The following AKNA variants were observed in gnomAD, a reference collection of about 807,000 sequenced individuals.
AKNA encodes the protein AT-hook transcription factor.
Under a neutral mutation model 138.8 loss-of-function variants are expected in AKNA, and 67 were observed. The ratio of observed to expected loss-of-function variants is 0.48; its 90% CI spans 0.40 to 0.59. The LOEUF is 0.59. Among genes scored for constraint, AKNA ranks in the 20% least tolerant of loss-of-function variants. The pLI is 0.00. For synonymous variants in AKNA, 737 were observed against 754.4 expected (o/e 0.98, Z 0.38); for missense variants, 1,813 against 1,880.4 (o/e 0.96, Z 0.66).
chr9:114,349,001 G>C, intron 15 of AKNA: 1 of 456,138 alleles, frequency 2.2e-6, no homozygotes, highest in East Asian at 6.9e-5. Context: ...GTGCCCCAGC[G>C]CTGAGTGTGT....
chr9:114,357,320 A>G (rs982265446), intron 12 of AKNA, among the ~76,000 whole-genome samples: 18 of 152,332 alleles, frequency 1.2e-4, no homozygotes, highest in African/African-American at 4.1e-4. Flanking sequence ...CTGGAATACT[A>G]TGGTCTTATC....
intron 1 of AKNA, among the ~76,000 whole-genome samples, chr9:114,386,672 A>G (rs1265748149): frequency 6.6e-6 from 1 of 152,028 alleles, no homozygotes; most frequent in Non-Finnish European, 1.5e-5. Flanking sequence ...CTTACACCCA[A>G]GCCGCCACTG....
downstream of AKNA, chr9:114,331,661 G>T (rs144825674): frequency 6.6e-5 from 106 of 1,613,688 alleles, no homozygotes; most frequent in African/African-American, 1.3e-3. Context: ...AGAACTGGGG[G>T]CTGTCTTTCT....
chr9:114,341,314 C>G (rs1830326851), intron 21 of AKNA, among the ~76,000 whole-genome samples: 1 of 152,146 alleles, frequency 6.6e-6, no homozygotes, highest in South Asian at 2.1e-4. Flanking sequence ...GTCCCAGGGC[C>G]GAGCACTCTC....
intron 6 of AKNA, among the ~76,000 whole-genome samples, chr9:114,364,993 G>A (rs1193252605): frequency 6.6e-6 from 1 of 152,196 alleles, no homozygotes; most frequent in African/African-American, 2.4e-5. Context: ...TGTATGTTCT[G>A]AGCTATTAAT....
intron 21 of AKNA, 24 bp from the exon 22 acceptor site, chr9:114,337,330 C>G (rs200451069): frequency 1.4e-6 from 2 of 1,417,590 alleles, no homozygotes; most frequent in Non-Finnish European, 1.9e-6. Context: ...TGAGTGGGCT[C>G]GTTACACATG....
rs1296562665 is a variant in AKNA at position 114,337,012 on chromosome 9, T to C, written c.*42A>G. On this transcript the variant is annotated 3_prime_UTR_variant, in exon 22 of 22. Transcript: ENST00000374088. ...CCCACTCCTGGCCTGGCAGGCCACCTGCCCACCCACCCACCCATCTGCCTC... is the reference window on the plus strand; with the variant it reads ...CCCACTCCTGGCCTGGCAGGCCACCCGCCCACCCACCCACCCATCTGCCTC... 2.5e-6 allele frequency: 3 copies of C among 1,209,474 alleles called. No individual in the cohort carries two copies. Among genetic ancestry groups the C allele is most frequent in the Non-Finnish European group, 3.2e-6 (3 of 930,102 alleles). 74.9% of individuals were successfully genotyped at this position (1,209,474 alleles called of 1,614,324 possible). A position where few individuals can be genotyped will look rare whatever the true frequency, so the allele number is the denominator to read the frequency against.
At chr9:114,331,778 C>G (rs746247071), downstream of AKNA, 98 of 1,598,914 alleles carry the variant, frequency 6.1e-5, no homozygotes, top group Middle Eastern at 6.9e-4. Flanking sequence ...CCTGGCCTCC[C>G]GCCGGGCCCC....
At chr9:114,393,937 C>T (rs1834447903) in intron 1 of AKNA, among the ~76,000 whole-genome samples, 1 of 152,142 alleles carries the variant, frequency 6.6e-6, no homozygotes, top group Admixed American at 6.5e-5. Context: ...TTTTGGGAGG[C>T]TGAGGCGGGA....
chr9:114,380,811 TAAAAAAAGAAAA>T (rs932348934), intron 2 of AKNA, among the ~76,000 whole-genome samples: 3 of 92,386 alleles, frequency 3.2e-5, no homozygotes, highest in African/African-American at 1.1e-4. Context: ...CCGTCTCTAC[TAAAAAAAGAAAA>T]AAAAAAAAAT....
At chr9:114,357,339 G>A (rs1831571664) in intron 12 of AKNA, among the ~76,000 whole-genome samples, 2 of 152,208 alleles carry the variant, frequency 1.3e-5, no homozygotes, top group African/African-American at 4.8e-5. Context: ...TCTGACAGTG[G>A]AAATGCTCAG....
chr9:114,346,475 A>G (rs1830694694), intron 17 of AKNA, among the ~76,000 whole-genome samples, 194 bp downstream of exon 17: 1 of 152,246 alleles, frequency 6.6e-6, no homozygotes, highest in Non-Finnish European at 1.5e-5. Flanking sequence ...AAGCCCTTAC[A>G]GACACCCTAC....
At chr9:114,354,941 T>G (rs577153002) in intron 14 of AKNA, among the ~76,000 whole-genome samples, 27 of 148,638 alleles carry the variant, frequency 1.8e-4, no homozygotes, top group African/African-American at 6.3e-4. Context: ...CGATCTTGGC[T>G]CACTGAAACC....
chr9:114,345,551 C>T (rs868769575), intron 18 of AKNA: 9 of 257,926 alleles, frequency 3.5e-5, no homozygotes, highest in South Asian at 1.9e-4. Context: ...CTGTATGCTC[C>T]GAGCCGGAAA....
At chr9:114,391,550 A>G (rs1834339272), upstream of AKNA, among the ~76,000 whole-genome samples, 1 of 152,178 alleles carries the variant, frequency 6.6e-6, no homozygotes, top group Middle Eastern at 3.2e-3. Context: ...AAACAACAAC[A>G]AAAACCTCTG....
chr9:114,351,767 G>T (rs1226843041), intron 14 of AKNA, among the ~76,000 whole-genome samples: 3 of 152,102 alleles, frequency 2.0e-5, no homozygotes, highest in African/African-American at 7.2e-5. Context: ...GGAGGACAAG[G>T]CTGCAGTGAG....
At chr9:114,394,709 T>A (rs376763414), upstream of AKNA, among the ~76,000 whole-genome samples, 27 of 152,252 alleles carry the variant, frequency 1.8e-4, no homozygotes, top group African/African-American at 5.5e-4. Context: ...TTCAGAGAGG[T>A]TACACAACTT....
chr9:114,339,956 G>A lies in AKNA; in HGVS notation c.4067+1577C>T, dbSNP rs571835926. ...ACCAAAAATACCAAAAAAATTAGCC[G>A]GGTGTGGTGGCACACTATTGTATTC... On this transcript the variant is annotated intron_variant, in intron 21 of 21. Transcript: ENST00000374088. Among the ~76,000 whole-genome samples, 27 of 152,236 alleles carry A rather than the reference G, an allele frequency of 1.8e-4. No homozygotes were observed. The East Asian group carries it at 4.6e-3, about 26-fold the overall frequency.
chr9:114,345,934 G>C lies in AKNA; in HGVS notation c.3590C>G (p.Ala1197Gly). The C allele has an allele frequency of 2.5e-6, 4 of 1,614,108 alleles. No individual in the cohort carries two copies. The highest frequency in any genetic ancestry group is 3.4e-6 in the Non-Finnish European group (4 of 1,180,012). Residue 1197 changes from alanine (A) to glycine (G), a missense_variant, in exon 18 of 22, where the codon GCT becomes GGT. Coordinates refer to ENST00000374088, the MANE Select transcript of AKNA (RefSeq NM_001317950.2). ...GCCCACCCCTCTCTTTCCATCCCGA[G>C]CTGCCTGTGGACTGTCCTTGGTGGT... ...SKTTKDSPQAARDGKRGVGSA... is the reference protein window; with the variant it reads ...SKTTKDSPQAGRDGKRGVGSA...
Sources: allele counts gnomAD v4.1 joint callset (sites outside exome capture counted in the v4.1 genomes callset), GRCh38; gene constraint gnomAD v4.1.1; transcripts MANE v1.5; gene names NCBI Gene and HGNC (gene_info 2026-07-23, HGNC 2026-07-21).